Variants in MYT1L observed in about 807,000 individuals in gnomAD.
MYT1L encodes myelin transcription factor 1-like protein.
MYT1L carries 12 observed loss-of-function variants against 126.7 expected under a neutral mutation model. The observed-to-expected ratio is 0.09, with a 90% CI of 0.06 to 0.15. The LOEUF (loss-of-function observed/expected upper bound fraction) is 0.15, where lower values mean the gene tolerates loss of function less well. Ranked by LOEUF, MYT1L falls within the 10% of genes least tolerant of loss-of-function variation. MYT1L has a pLI of 1.00. For synonymous variants in MYT1L, 541 were observed against 604.2 expected, an observed-to-expected ratio of 0.90 and a Z score of 1.53; for missense variants, 979 against 1,585.2, an observed-to-expected ratio of 0.62 and a Z score of 6.49.
In MYT1L at chr2:1,979,377, G is replaced by A. The variant is rs561035962; in HGVS notation, c.89+144C>T. On this transcript the variant is annotated intron_variant, in intron 7 of 24. Transcript: ENST00000647738. The surrounding 1 kb of genome is among the most constrained non-coding windows in gnomAD (Gnocchi z 4.0). Reference sequence around the variant, plus strand: ...GGGGAAATTCGGGGAGGCTTTTTACGAGCAAGTCTCGGGGGAATTAATTTC... The same window carrying A: ...GGGGAAATTCGGGGAGGCTTTTTACAAGCAAGTCTCGGGGGAATTAATTTC... The A allele has an allele frequency of 1.2e-5, 13 of 1,113,602 alleles. No homozygotes were observed. The highest frequency in any genetic ancestry group is 9.3e-5 in the African/African-American group (6 of 64,514). 69.0% of individuals were successfully genotyped at this position (1,113,602 alleles called of 1,614,324 possible).
intron 3 of MYT1L, among the ~76,000 whole-genome samples, chr2:2,099,348 T>C (rs2077787870): frequency 6.6e-6 from 1 of 152,064 alleles, no homozygotes; most frequent in Non-Finnish European, 1.5e-5. Flanking sequence ...TCATTTGTTT[T>C]TTTTTTTTCT....
intron 4 of MYT1L, among the ~76,000 whole-genome samples, chr2:2,047,571 A>G (rs1349336518): frequency 6.6e-6 from 1 of 152,234 alleles, no homozygotes; most frequent in East Asian, 1.9e-4. Flanking sequence ...GGCTTAGCAT[A>G]TTGAATAAAC....
intron 3 of MYT1L, among the ~76,000 whole-genome samples, chr2:2,167,362 C>T (rs778450302): frequency 3.3e-5 from 5 of 152,168 alleles, no homozygotes; most frequent in Admixed American, 6.5e-5. Context: ...GCACTGTAAG[C>T]CCACCACACA....
intron 1 of MYT1L, among the ~76,000 whole-genome samples, chr2:2,329,380 C>A (rs769640435): frequency 6.6e-6 from 1 of 151,802 alleles, no homozygotes; most frequent in African/African-American, 2.4e-5. Flanking sequence ...TTTTGATTCA[C>A]GAATCTGAAG....
chr2:1,895,480 A>C (rs2049452805), intron 14 of MYT1L, among the ~76,000 whole-genome samples: 1 of 152,230 alleles, frequency 6.6e-6, no homozygotes, highest in African/African-American at 2.4e-5. Flanking sequence ...TACAGTAACC[A>C]AAATAGCTTG....
At chr2:2,223,751 T>C (rs1280245095) in intron 2 of MYT1L, among the ~76,000 whole-genome samples, 1 of 152,164 alleles carries the variant, frequency 6.6e-6, no homozygotes, top group African/African-American at 2.4e-5. Context: ...ACAGGAAAAA[T>C]ATCTACCCAG....
intron 3 of MYT1L, among the ~76,000 whole-genome samples, chr2:2,135,464 G>T (rs1341344462): frequency 6.6e-6 from 1 of 152,114 alleles, no homozygotes; most frequent in Non-Finnish European, 1.5e-5. Context: ...GTCTTTATTA[G>T]CAGCATGAGA....
At chr2:2,275,861 C>T (rs573925296) in intron 2 of MYT1L, among the ~76,000 whole-genome samples, 2 of 152,278 alleles carry the variant, frequency 1.3e-5, no homozygotes, top group South Asian at 2.1e-4. Context: ...ACGCCTTGTT[C>T]TTGTCCTCAA....
At chr2:1,881,839 A>C (rs2148798467) in intron 18 of MYT1L, among the ~76,000 whole-genome samples, 1 of 152,338 alleles carries the variant, frequency 6.6e-6, no homozygotes, top group Middle Eastern at 3.4e-3. Context: ...GTAAACCTTT[A>C]ATTCTCAATC....
chr2:2,202,985 T>C (rs2093150646), intron 2 of MYT1L, among the ~76,000 whole-genome samples: 1 of 150,964 alleles, frequency 6.6e-6, no homozygotes. Context: ...AATCAACAAA[T>C]GTAATCCATC....
intron 2 of MYT1L, among the ~76,000 whole-genome samples, chr2:2,274,182 T>A (rs2149359161): frequency 6.6e-6 from 1 of 152,280 alleles, no homozygotes; most frequent in East Asian, 1.9e-4. Flanking sequence ...ATATTTGAGG[T>A]GATGGTTATC....
chr2:2,020,706 T>C (rs993484120), intron 4 of MYT1L, among the ~76,000 whole-genome samples: 6 of 152,250 alleles, frequency 3.9e-5, no homozygotes, highest in Non-Finnish European at 8.8e-5. Flanking sequence ...TAAACTTTGA[T>C]CTACTTACAT....
At chr2:2,249,885 A>G (rs2094602666) in intron 2 of MYT1L, among the ~76,000 whole-genome samples, 1 of 152,146 alleles carries the variant, frequency 6.6e-6, no homozygotes, top group Admixed American at 6.5e-5. Flanking sequence ...ACATTTCTCA[A>G]AAGACATACA....
intron 9 of MYT1L, among the ~76,000 whole-genome samples, chr2:1,936,999 C>G (rs1370099113): frequency 6.6e-6 from 1 of 152,138 alleles, no homozygotes; most frequent in Non-Finnish European, 1.5e-5. Context: ...TGAGTTCTGC[C>G]TTGAATTCCC....
intron 2 of MYT1L, among the ~76,000 whole-genome samples, chr2:2,210,230 G>A (rs952339703): frequency 3.3e-5 from 5 of 151,938 alleles, no homozygotes; most frequent in Admixed American, 2.0e-4. Context: ...CCTTTGCTGC[G>A]CAGAGGCTTT....
chr2:1,944,297 G>T (rs1305893158), intron 8 of MYT1L, among the ~76,000 whole-genome samples: 4 of 152,010 alleles, frequency 2.6e-5, no homozygotes, highest in African/African-American at 9.7e-5. Flanking sequence ...TGTTCTCATT[G>T]AGAAAGAATG....
intron 4 of MYT1L, among the ~76,000 whole-genome samples, chr2:2,031,971 C>T (rs2066345126): frequency 6.9e-6 from 1 of 144,494 alleles, no homozygotes; most frequent in Non-Finnish European, 1.5e-5. Flanking sequence ...ATATACACCC[C>T]TCGCCAATGT....
rs962411393 is a variant in MYT1L at position 1,789,542 on chromosome 2, A to C, written c.*2325T>G. 6.6e-6 allele frequency: 1 copy of C among 152,258 alleles called. No homozygotes were observed. The highest frequency in any genetic ancestry group is 1.5e-5 in the Non-Finnish European group (1 of 68,040). The allele number at this position is 152,258 out of a possible 1,614,324, so 9.4% of individuals were successfully genotyped here. The stretch of plus-strand genomic sequence containing the variant: ...TATGTACCAACGTTAGATGAGCAGC[A>C]GGTTTGTGCTTAAAATCCCTTTCCA... On this transcript the variant is annotated 3_prime_UTR_variant, in exon 25 of 25. Coordinates refer to ENST00000647738, the MANE Select transcript of MYT1L (RefSeq NM_001303052.2).
chr2:1,884,588 T>G (rs930240727), intron 18 of MYT1L, among the ~76,000 whole-genome samples: 2 of 152,270 alleles, frequency 1.3e-5, no homozygotes, highest in Admixed American at 1.3e-4. Context: ...GATGCTTGAT[T>G]GAAATTCTTA....
Sources: gnomAD v4.1 joint callset for allele counts (sites outside exome capture counted in the v4.1 genomes callset) on GRCh38, gnomAD v4.1.1 for gene constraint, Gnocchi (gnomAD v3.1) non-coding constraint, MANE v1.5 for transcripts, NCBI Gene and HGNC (gene_info 2026-07-23, HGNC 2026-07-21) for gene names.